The following EYA4 variants were observed in gnomAD, a reference collection of about 807,000 sequenced individuals.
The protein encoded by EYA4 is EYA transcriptional coactivator and phosphatase 4.
EYA4 carries 31 observed loss-of-function variants against 87.9 expected under a neutral mutation model. The ratio of observed to expected loss-of-function variants is 0.35; its 90% CI spans 0.27 to 0.48. The LOEUF (loss-of-function observed/expected upper bound fraction) is 0.48, where lower values mean the gene tolerates loss of function less well. EYA4 is among the 20% of genes least tolerant of loss of function. EYA4 has a pLI of 0.99. For synonymous variants in EYA4, 263 were observed against 270.6 expected (o/e 0.97, Z 0.28); for missense variants, 678 against 761.4 (o/e 0.89, Z 1.29).
At chr6:133,363,567 C>T (rs1400465490) in intron 2 of EYA4, among the ~76,000 whole-genome samples, 10 of 151,646 alleles carry the variant, frequency 6.6e-5, no homozygotes, top group African/African-American at 1.2e-4. Context: ...CTCCGCCTCC[C>T]GGGTTCACGC....
intron 3 of EYA4, among the ~76,000 whole-genome samples, chr6:133,442,109 A>G (rs1237871964): frequency 6.6e-6 from 1 of 152,048 alleles, no homozygotes; most frequent in Non-Finnish European, 1.5e-5. Flanking sequence ...TAAAATCCTT[A>G]TCTGCTAGTT....
Position 133,530,812 on chromosome 6 carries a change from C to A in EYA4, c.*2007C>A. 4 of 990,448 alleles carry A rather than the reference C, an allele frequency of 4.0e-6. No individual in the cohort carries two copies. Among genetic ancestry groups the A allele is most frequent in the Non-Finnish European group, 4.8e-6 (4 of 832,642 alleles). The allele number at this position is 990,448 out of a possible 1,614,324, so 61.4% of individuals were successfully genotyped here. A position where few individuals can be genotyped will look rare whatever the true frequency, so the allele number is the denominator to read the frequency against. ...CATCTGCCCCAAGTACTATTCCAGG[C>A]AAATTAAAGTTGGAATACCTTTAAT... is the stretch of plus-strand genomic sequence containing the variant. On this transcript the variant is annotated 3_prime_UTR_variant, in exon 20 of 20. Coordinates refer to ENST00000355286, the MANE Select transcript of EYA4 (RefSeq NM_004100.5).
intron 19 of EYA4, chr6:133,525,931 A>G (rs1447604558): frequency 7.1e-6 from 7 of 985,196 alleles, no homozygotes; most frequent in Non-Finnish European, 8.4e-6. Flanking sequence ...GAAGAGTTTC[A>G]TCTGTTTTGG....
At chr6:133,250,189 G>T (rs964663129) in intron 1 of EYA4, among the ~76,000 whole-genome samples, 1 of 152,180 alleles carries the variant, frequency 6.6e-6, no homozygotes, top group Non-Finnish European at 1.5e-5. Context: ...TAGGTTATAT[G>T]TATGTATACG....
chr6:133,469,586 A>G (rs1474912971), intron 11 of EYA4, among the ~76,000 whole-genome samples: 1 of 152,002 alleles, frequency 6.6e-6, no homozygotes, highest in African/African-American at 2.4e-5. Context: ...TACAAAGGCA[A>G]TTGAGTAGAG....
At chr6:133,272,905 G>A (rs530880325) in intron 1 of EYA4, among the ~76,000 whole-genome samples, 30 of 151,962 alleles carry the variant, frequency 2.0e-4, no homozygotes, top group African/African-American at 5.1e-4. Context: ...AGCCTGGCTC[G>A]CTGGCATAGA....
At chr6:133,427,632 G>A (rs1448807928) in intron 3 of EYA4, among the ~76,000 whole-genome samples, 2 of 152,128 alleles carry the variant, frequency 1.3e-5, no homozygotes, top group African/African-American at 4.8e-5. Flanking sequence ...TACTAGATAT[G>A]TGTTAAATAG....
At chr6:133,268,283 A>G (rs1205581476) in intron 1 of EYA4, among the ~76,000 whole-genome samples, 1 of 151,930 alleles carries the variant, frequency 6.6e-6, no homozygotes, top group African/African-American at 2.4e-5. Context: ...GTATCCTTTT[A>G]CTTTTGGGGC....
intron 2 of EYA4, among the ~76,000 whole-genome samples, chr6:133,350,774 G>T (rs527685287): frequency 1.6e-4 from 24 of 152,062 alleles, no homozygotes; most frequent in Admixed American, 1.6e-3. Context: ...CCAGTCCAAA[G>T]AATTTATTTT....
chr6:133,245,512 A>C (rs1267099327), intron 1 of EYA4, among the ~76,000 whole-genome samples: 1 of 152,166 alleles, frequency 6.6e-6, no homozygotes, highest in Non-Finnish European at 1.5e-5. Flanking sequence ...ATTTTATTAC[A>C]ATGGTTACTA....
chr6:133,404,501 G>A (rs554076186), intron 3 of EYA4, among the ~76,000 whole-genome samples: 9 of 149,824 alleles, frequency 6.0e-5, no homozygotes, highest in South Asian at 4.2e-4. Context: ...TTTTTTTTTC[G>A]TATTACAAAT....
intron 3 of EYA4, among the ~76,000 whole-genome samples, chr6:133,441,197 A>G (rs575580559): frequency 1.3e-5 from 2 of 152,050 alleles, no homozygotes; most frequent in Admixed American, 6.6e-5. Flanking sequence ...TTCAGTTTGG[A>G]TAATTTGCAT....
intron 3 of EYA4, among the ~76,000 whole-genome samples, chr6:133,387,550 G>C (rs1786860032): frequency 6.6e-6 from 1 of 152,174 alleles, no homozygotes; most frequent in South Asian, 2.1e-4. Flanking sequence ...ACCATTTCTT[G>C]GACTTAATTA....
chr6:133,476,935 T>C (rs1028674023), intron 11 of EYA4, among the ~76,000 whole-genome samples: 1 of 152,066 alleles, frequency 6.6e-6, no homozygotes, highest in Non-Finnish European at 1.5e-5. Flanking sequence ...GGTAATTGAA[T>C]CAGGGGGGCA....
At chr6:133,269,943 G>A (rs1269027578) in intron 1 of EYA4, among the ~76,000 whole-genome samples, 1 of 152,198 alleles carries the variant, frequency 6.6e-6, no homozygotes, top group Admixed American at 6.5e-5. Flanking sequence ...AGCACTTGGA[G>A]CCTGATGTTC....
At chr6:133,254,897 T>G (rs2128235871) in intron 1 of EYA4, among the ~76,000 whole-genome samples, 1 of 152,320 alleles carries the variant, frequency 6.6e-6, no homozygotes, top group South Asian at 2.1e-4. Context: ...ACTCTACATC[T>G]TACCACTTTA....
intron 3 of EYA4, among the ~76,000 whole-genome samples, chr6:133,397,687 T>C (rs771322162): frequency 1.3e-5 from 2 of 152,206 alleles, no homozygotes; most frequent in South Asian, 2.1e-4. Flanking sequence ...GATAAAGACA[T>C]ACTCAAGACT....
At chr6:133,363,478 CT>C (rs71003637) in intron 2 of EYA4, 98,697 of 137,132 alleles carry the variant, frequency 0.72, 35,881 homozygotes, top group Middle Eastern at 0.83. Context: ...CCTTGTAACT[CT>C]TTTTTTTTTT....
intron 2 of EYA4, among the ~76,000 whole-genome samples, chr6:133,371,982 C>T (rs908282707): frequency 3.3e-5 from 5 of 152,082 alleles, no homozygotes; most frequent in Non-Finnish European, 2.9e-5. Flanking sequence ...AATTCCTATA[C>T]TCTTTAACCC....
Sources: gnomAD v4.1 joint callset for allele counts (sites outside exome capture counted in the v4.1 genomes callset) on GRCh38, gnomAD v4.1.1 for gene constraint, MANE v1.5 for transcripts, NCBI Gene and HGNC (gene_info 2026-07-23, HGNC 2026-07-21) for gene names.